The following SRGAP3 variants were observed in gnomAD, a reference collection of about 807,000 sequenced individuals.
SRGAP3 encodes the protein SLIT-ROBO Rho GTPase activating protein 3.
In SRGAP3, 39 loss-of-function variants were observed where a neutral mutation model predicts 121.1. The observed-to-expected ratio is 0.32, with a 90% CI of 0.25 to 0.42. SRGAP3 has a LOEUF of 0.42. Ranked by LOEUF, SRGAP3 falls within the 10% of genes least tolerant of loss-of-function variation. The probability of loss-of-function intolerance (pLI) is 1.00; values close to 1 mark genes in which losing one functional copy is unlikely to be tolerated. For synonymous variants in SRGAP3, 601 were observed against 570.0 expected, an observed-to-expected ratio of 1.05 and a Z score of -0.77; for missense variants, 1,213 against 1,470.6, an observed-to-expected ratio of 0.82 and a Z score of 2.86.
At chr3:9,248,219 CAG>C (rs1287322117) in intron 1 of SRGAP3, among the ~76,000 whole-genome samples, 1 of 152,236 alleles carries the variant, frequency 6.6e-6, no homozygotes, top group African/African-American at 2.4e-5. Flanking sequence ...CGCCAGGGCA[CAG>C]AGTGATTGGG....
Position 8,985,613 on chromosome 3 carries a change from C to T in SRGAP3, c.3206G>A (p.Ser1069Asn). ...PVRPVVQHRSSSSSSSGVGSP... is the reference protein window; with the variant it reads ...PVRPVVQHRSNSSSSSGVGSP... ...GCCCACGCCCGAGCTGCTGCTGCTG[C>T]TGGACCGGTGCTGGACCACCGGCCG... The change falls in exon 22 of 22, where the codon AGC (serine) becomes AAC (asparagine). Residue 1069 changes from serine (S) to asparagine (N), a missense_variant. Ser to Asn is a conservative substitution (Grantham distance 46, BLOSUM62 1). Transcript: ENST00000383836. The surrounding 1 kb of genome is among the most constrained non-coding windows in gnomAD (Gnocchi z 5.1). 6.3e-7 allele frequency: 1 copy of T among 1,597,204 alleles called. No individual in the cohort carries two copies. The highest frequency in any genetic ancestry group is 1.3e-5 in the African/African-American group (1 of 74,940).
chr3:9,058,616 T>A, intron 6 of SRGAP3, 144 bp from the exon 7 acceptor site: 1 of 831,686 alleles, frequency 1.2e-6, no homozygotes. Context: ...TTTGGAATCC[T>A]ACTGCACAAA....
chr3:9,332,616 G>A (rs1477214442), intron 1 of SRGAP3, among the ~76,000 whole-genome samples: 1 of 152,190 alleles, frequency 6.6e-6, no homozygotes, highest in East Asian at 1.9e-4. Context: ...TGTCAAGAGA[G>A]TTTTTTTCTA....
At chr3:9,015,209 C>T (rs1486381786) in intron 15 of SRGAP3, among the ~76,000 whole-genome samples, 1 of 147,266 alleles carries the variant, frequency 6.8e-6, no homozygotes, top group Non-Finnish European at 1.5e-5. Flanking sequence ...TCCATTTTCC[C>T]CTTCCAACCT....
intron 11 of SRGAP3, chr3:9,034,480 C>G (rs1944652584): frequency 6.6e-6 from 1 of 152,270 alleles, no homozygotes; most frequent in African/African-American, 2.4e-5. Flanking sequence ...GTAAGCCAGC[C>G]ATCCCCAGGG....
At chr3:9,003,246 G>A (rs1942865478) in intron 18 of SRGAP3, among the ~76,000 whole-genome samples, 1 of 152,188 alleles carries the variant, frequency 6.6e-6, no homozygotes. Context: ...TTGGGAGGCA[G>A]AGCTGGGCGG....
At chr3:9,278,684 C>G (rs1954626054) in intron 3 of SRGAP3, among the ~76,000 whole-genome samples, 1 of 152,158 alleles carries the variant, frequency 6.6e-6, no homozygotes, top group Non-Finnish European at 1.5e-5. Context: ...AGGGTCAAAT[C>G]ACAGCAGCCG....
intron 1 of SRGAP3, among the ~76,000 whole-genome samples, chr3:9,149,016 C>T (rs1407964008): frequency 6.6e-6 from 1 of 151,964 alleles, no homozygotes; most frequent in African/African-American, 2.4e-5. Context: ...GAGTTCGAGA[C>T]GAGCCTGGCC....
intron 9 of SRGAP3, among the ~76,000 whole-genome samples, chr3:9,050,303 A>C (rs2125152449): frequency 6.6e-6 from 1 of 152,298 alleles, no homozygotes; most frequent in East Asian, 1.9e-4. Context: ...GGGTAAGCTG[A>C]TATTCTGTCC....
intron 3 of SRGAP3, among the ~76,000 whole-genome samples, chr3:9,298,945 G>A (rs1466795934): frequency 1.5e-4 from 22 of 151,670 alleles, no homozygotes; most frequent in Admixed American, 7.2e-4. Flanking sequence ...CTGGCTACTC[G>A]GGAGGCTGAA....
chr3:9,235,042 C>A (rs1233529354), intron 1 of SRGAP3, among the ~76,000 whole-genome samples: 2 of 152,264 alleles, frequency 1.3e-5, no homozygotes, highest in East Asian at 1.9e-4. Flanking sequence ...TCAGTTCCCC[C>A]CAGTTTTACC....
rs145531861 is a variant in SRGAP3, at chr3:9,013,751, G to A, written c.1905C>T (p.Phe635=). ...RVVIVVMRYL[F]AFLNHLSQYS... is the part of the protein sequence containing the mutation. ...CAGACACTCACTGGTTGAGGAAAGC[G>A]AAGAGGTATCTCATGACCACAATGA... The change falls in exon 16 of 22, where the codon TTC becomes TTT. Residue 635 remains phenylalanine, a synonymous_variant. Coordinates refer to ENST00000383836, the MANE Select transcript of SRGAP3 (RefSeq NM_014850.4). The A allele has an allele frequency of 1.9e-3, 2,998 of 1,614,180 alleles. 7 individuals carry two copies. The highest frequency in any genetic ancestry group is 3.1e-3 in the Middle Eastern group (19 of 6,062).
intron 1 of SRGAP3, among the ~76,000 whole-genome samples, chr3:9,330,870 C>T (rs1955594903): frequency 2.0e-5 from 3 of 152,212 alleles, no homozygotes; most frequent in Admixed American, 2.0e-4. Flanking sequence ...TAAATTATGG[C>T]TGCTGGGATT....
intron 3 of SRGAP3, among the ~76,000 whole-genome samples, chr3:9,260,021 G>A (rs527419804): frequency 5.9e-4 from 90 of 152,046 alleles, no homozygotes; most frequent in African/African-American, 1.9e-3. Context: ...AGGGTGGGGC[G>A]TCGCCTTACC....
intron 1 of SRGAP3, among the ~76,000 whole-genome samples, chr3:9,146,952 T>C (rs567018990): frequency 6.6e-6 from 1 of 152,202 alleles, no homozygotes; most frequent in Non-Finnish European, 1.5e-5. Flanking sequence ...GTGGCAGAAA[T>C]GGACCCCCTC....
chr3:9,049,441 C>A (rs1434003409), intron 9 of SRGAP3: 1 of 456,060 alleles, frequency 2.2e-6, no homozygotes, highest in East Asian at 7.0e-5. Flanking sequence ...TCTTGGATGG[C>A]AAATGGGGAA....
intron 1 of SRGAP3, among the ~76,000 whole-genome samples, chr3:9,164,632 C>T (rs568846060): frequency 2.6e-5 from 4 of 152,172 alleles, no homozygotes; most frequent in Admixed American, 2.6e-4. Context: ...CTCACAGATG[C>T]ACACAGTTTT....
At chr3:9,258,143 C>T (rs1004353373) in intron 3 of SRGAP3, among the ~76,000 whole-genome samples, 3 of 152,120 alleles carry the variant, frequency 2.0e-5, no homozygotes, top group African/African-American at 7.2e-5. Context: ...TGTAATTCAA[C>T]ATTATGGAGA....
intron 1 of SRGAP3, among the ~76,000 whole-genome samples, chr3:9,330,954 A>G (rs76780638): frequency 1.9e-3 from 293 of 152,352 alleles, no homozygotes; most frequent in African/African-American, 6.9e-3. Context: ...ACTAGGTTAC[A>G]GTTCATCCAA....
Sources: allele counts gnomAD v4.1 joint callset (sites outside exome capture counted in the v4.1 genomes callset), GRCh38; gene constraint gnomAD v4.1.1; non-coding constraint Gnocchi (gnomAD v3.1); transcripts MANE v1.5; gene names NCBI Gene and HGNC (gene_info 2026-07-23, HGNC 2026-07-21).